The following GRAMD2A variants were observed in gnomAD, a reference collection of about 807,000 sequenced individuals.
GRAMD2A encodes GRAM domain containing 2A.
A neutral mutation model predicts 51.1 loss-of-function variants in GRAMD2A; 37 were observed. That is an observed-to-expected ratio of 0.72 (90% CI 0.56 to 0.95). GRAMD2A has a LOEUF of 0.95. Ranked by LOEUF, GRAMD2A falls within the 40% of genes least tolerant of loss-of-function variation. The probability of loss-of-function intolerance (pLI) is 0.00; values close to 1 mark genes in which losing one functional copy is unlikely to be tolerated. For missense variants in GRAMD2A, 414 were observed against 426.9 expected, an observed-to-expected ratio of 0.97 and a Z score of 0.27; for synonymous variants, 136 against 157.1, an observed-to-expected ratio of 0.87 and a Z score of 1.01.
At chr15:72,168,590 G>T (rs749818158) in intron 3 of GRAMD2A, 24 bp from the exon 4 acceptor site, 2 of 1,603,382 alleles carry the variant, frequency 1.2e-6, no homozygotes, top group South Asian at 2.2e-5. Flanking sequence ...GGCTGCGTCT[G>T]AGAAGCGCTG....
In GRAMD2A at chr15:72,168,953, A is replaced by C; in HGVS notation, c.178T>G (p.Cys60Gly). 1 of 1,614,162 alleles carries C rather than the reference A, an allele frequency of 6.2e-7. No homozygotes were observed. The highest frequency in any genetic ancestry group is 1.3e-5 in the African/African-American group (1 of 75,062). The change falls in exon 3 of 12, where the codon TGT becomes GGT. Residue 60 changes from cysteine (C) to glycine (G), a missense_variant. Coordinates refer to ENST00000309731, the MANE Select transcript of GRAMD2A (RefSeq NM_001012642.3). The part of the protein sequence containing the change: ...EGLKGEEIKK[C>G]GREGITLNKY... ...TCCAGACTTACCCCTTCTCGGCCAC[A>C]CTTCTTTATCTCTTCACCCTTCAAG...
intron 1 of GRAMD2A, among the ~76,000 whole-genome samples, chr15:72,177,596 C>T (rs2081663614): frequency 6.6e-6 from 1 of 152,208 alleles, no homozygotes; most frequent in Non-Finnish European, 1.5e-5. Context: ...GACATTTAGG[C>T]AGTTTCCAGT....
chr15:72,176,223 T>C (rs1462997634), intron 1 of GRAMD2A: 1 of 152,720 alleles, frequency 6.5e-6, no homozygotes, highest in African/African-American at 2.4e-5. Context: ...TCCCAGCCCT[T>C]CCTAACCACA....
chr15:72,165,337 C>T lies in GRAMD2A; in HGVS notation c.600+17G>A, dbSNP rs2081531053. 2 of 1,613,068 alleles carry T rather than the reference C, an allele frequency of 1.2e-6. No homozygotes were observed. The highest frequency in any genetic ancestry group is 1.7e-6 in the Non-Finnish European group (2 of 1,179,234). On this transcript the variant is annotated intron_variant, in intron 8 of 11. Transcript: ENST00000309731. The stretch of plus-strand genomic sequence containing the variant: ...ACTGTCAGTCCAGCAGTCTTTGCTC[C>T]CAGCTTCAGCTCTCACCAGAGACTC...
At chr15:72,181,024 G>A (rs922026226) in intron 1 of GRAMD2A, among the ~76,000 whole-genome samples, 20 of 152,216 alleles carry the variant, frequency 1.3e-4, no homozygotes, top group Admixed American at 1.3e-3. Context: ...CATCTCCAAG[G>A]GATGCTAGCC....
Position 72,163,870 on chromosome 15 carries a change from C to G in GRAMD2A, c.601-113G>C, listed in dbSNP as rs191990055. ...CTCCAGATATTACCAAATATAGATG[C>G]CTAGCCAGGGATGGAAGCAGGTACA... On this transcript the variant is annotated intron_variant, in intron 8 of 11. Transcript: ENST00000309731. 11 of 1,144,526 alleles carry G rather than the reference C, an allele frequency of 9.6e-6. No homozygotes were observed. In the East Asian group the frequency reaches 2.8e-4, roughly 29 times the overall value. 70.9% of individuals were successfully genotyped at this position (1,144,526 alleles called of 1,614,324 possible).
rs147684071 is a variant in GRAMD2A, at chr15:72,167,628, C to G, written c.372+108G>C. On this transcript the variant is annotated intron_variant, in intron 5 of 11. Transcript: ENST00000309731. Reference sequence around the variant, plus strand: ...CGCATCCAACCAGCAAGGGGCTTCACCCGGGGCCCAGCACGCAGAGAGATA... The same window carrying G: ...CGCATCCAACCAGCAAGGGGCTTCAGCCGGGGCCCAGCACGCAGAGAGATA... 1.0e-5 allele frequency: 9 copies of G among 866,294 alleles called. No homozygotes were observed. In the African/African-American group the frequency reaches 1.5e-4, roughly 15 times the overall value. The allele number at this position is 866,294 out of a possible 1,614,324, so 53.7% of individuals were successfully genotyped here.
chr15:72,160,497 C>G lies in GRAMD2A; in HGVS notation c.*1512G>C, dbSNP rs1295680258. 1 of 152,190 alleles carries G rather than the reference C, an allele frequency of 6.6e-6. No homozygotes were observed. The highest frequency in any genetic ancestry group is 1.5e-5 in the Non-Finnish European group (1 of 68,034). 9.4% of individuals were successfully genotyped at this position (152,190 alleles called of 1,614,324 possible). A position where few individuals can be genotyped will look rare whatever the true frequency, so the allele number is the denominator to read the frequency against. On this transcript the variant is annotated 3_prime_UTR_variant, in exon 12 of 12. Coordinates refer to ENST00000309731, the MANE Select transcript of GRAMD2A (RefSeq NM_001012642.3). ...CCACTTACTGGTAGTCCCTCCAATTCTCATTTGGGTTTGTCATAAACAGGA... is the reference window on the plus strand; with the variant it reads ...CCACTTACTGGTAGTCCCTCCAATTGTCATTTGGGTTTGTCATAAACAGGA...
chr15:72,194,230 T>A (rs954003810), intron 1 of GRAMD2A, among the ~76,000 whole-genome samples: 2 of 152,098 alleles, frequency 1.3e-5, no homozygotes, highest in Non-Finnish European at 1.5e-5. Flanking sequence ...GGGAGAAAAA[T>A]TATTTTCTGG....
intron 1 of GRAMD2A, among the ~76,000 whole-genome samples, chr15:72,197,180 C>G (rs2081811963): frequency 6.6e-6 from 1 of 152,164 alleles, no homozygotes; most frequent in South Asian, 2.1e-4. Flanking sequence ...CCGGGATGGG[C>G]CTGGCGCCCG....
In GRAMD2A at chr15:72,169,895, A is replaced by C. The variant is rs1451801242; in HGVS notation, c.86T>G (p.Val29Gly). The C allele has an allele frequency of 5.6e-6, 9 of 1,614,074 alleles. No individual in the cohort carries two copies. The highest frequency in any genetic ancestry group is 7.6e-6 in the Non-Finnish European group (9 of 1,180,046). Residue 29 changes from valine to glycine, a missense_variant, in exon 2 of 12, where the codon GTG becomes GGG. Coordinates refer to ENST00000309731, the MANE Select transcript of GRAMD2A (RefSeq NM_001012642.3). Reference sequence around the variant, plus strand: ...TCTGTCTGGTTTCTCTTTGCAGGACACAGGACTGTTCAGAGAAGCTGTCTT... The same window carrying C: ...TCTGTCTGGTTTCTCTTTGCAGGACCCAGGACTGTTCAGAGAAGCTGTCTT... ...HRKTASLNSP[V>G]SCKEKPDRVE...
At chr15:72,189,188 T>C (rs1228336884) in intron 1 of GRAMD2A, among the ~76,000 whole-genome samples, 1 of 152,214 alleles carries the variant, frequency 6.6e-6, no homozygotes. Flanking sequence ...ATATTATTAA[T>C]GAATAGACAC....
chr15:72,197,061 G>C lies in GRAMD2A; in HGVS notation c.41+670C>G, dbSNP rs2140564765. On this transcript the variant is annotated intron_variant, in intron 1 of 11. Transcript: ENST00000309731. Reference sequence around the variant, plus strand: ...TCAAGCAGCAGAAACCACAATTCTGGATGTTACGTGCAGCGCCAGCTCCTG... The same window carrying C: ...TCAAGCAGCAGAAACCACAATTCTGCATGTTACGTGCAGCGCCAGCTCCTG... 2.6e-5 allele frequency among the ~76,000 whole-genome samples: 4 copies of C among 152,328 alleles called. No individual in the cohort carries two copies. In the Middle Eastern group the frequency reaches 0.014, roughly 518 times the overall value.
chr15:72,177,813 G>A (rs977456117), intron 1 of GRAMD2A, among the ~76,000 whole-genome samples: 8 of 152,120 alleles, frequency 5.3e-5, no homozygotes, highest in Non-Finnish European at 1.5e-5. Context: ...CTGCAGCCTC[G>A]ACCTCCCAGG....
intron 1 of GRAMD2A, among the ~76,000 whole-genome samples, chr15:72,197,239 C>T (rs2081813290): frequency 6.6e-6 from 1 of 152,190 alleles, no homozygotes; most frequent in African/African-American, 2.4e-5. Flanking sequence ...TCCCCGCAGC[C>T]GCGGGCCGCT....
At chr15:72,175,246 T>C (rs2081644593) in intron 1 of GRAMD2A, among the ~76,000 whole-genome samples, 1 of 152,096 alleles carries the variant, frequency 6.6e-6, no homozygotes, top group Admixed American at 6.5e-5. Flanking sequence ...GCCACAATCC[T>C]TTTCCCAGAT....
chr15:72,184,144 C>G (rs377215325), intron 1 of GRAMD2A, among the ~76,000 whole-genome samples: 1 of 152,388 alleles, frequency 6.6e-6, no homozygotes, highest in East Asian at 1.9e-4. Flanking sequence ...GGGAGAGGGA[C>G]TGCCCTCGCC....
chr15:72,187,739 C>T (rs1422006814), intron 1 of GRAMD2A, among the ~76,000 whole-genome samples: 3 of 152,080 alleles, frequency 2.0e-5, no homozygotes, highest in Non-Finnish European at 4.4e-5. Flanking sequence ...GTCTCAAATT[C>T]CTGGGCTCAA....
rs781526189 is a variant in GRAMD2A at position 72,163,485 on chromosome 15, A to G, written c.746-9T>C. On this transcript the variant is annotated splice_polypyrimidine_tract_variant and intron_variant, in intron 9 of 11. Coordinates refer to ENST00000309731, the MANE Select transcript of GRAMD2A (RefSeq NM_001012642.3). ...TTGGGCTCTTGACTTTTCTTTATGG[A>G]TTGGGAGAAAAAAAAAATCAGCTCT... 1.9e-6 allele frequency: 3 copies of G among 1,609,812 alleles called. No individual in the cohort carries two copies. Among genetic ancestry groups the G allele is most frequent in the Admixed American group, 3.4e-5 (2 of 59,448 alleles).
Sources: allele counts gnomAD v4.1 joint callset (sites outside exome capture counted in the v4.1 genomes callset), GRCh38; gene constraint gnomAD v4.1.1; transcripts MANE v1.5; gene names NCBI Gene and HGNC (gene_info 2026-07-23, HGNC 2026-07-21).